IL1RAPL1: variants seen among roughly 807,000 people sequenced by gnomAD.
IL1RAPL1 encodes the protein interleukin 1 receptor accessory protein like 1, also known as interleukin-1 receptor accessory protein-like 1.
In IL1RAPL1, 3 loss-of-function variants were observed where a neutral mutation model predicts 48.4. That is an observed-to-expected ratio of 0.06 (90% CI 0.03 to 0.16). The LOEUF (loss-of-function observed/expected upper bound fraction) is 0.16. Among genes scored for constraint, IL1RAPL1 ranks in the 10% least tolerant of loss-of-function variants. The pLI is 1.00. For synonymous variants in IL1RAPL1, 185 were observed against 187.7 expected (o/e 0.99, Z 0.12); for missense variants, 349 against 530.6 (o/e 0.66, Z 3.36).
At chrX:28,869,444 C>T (rs1422826999) in intron 2 of IL1RAPL1, among the ~76,000 whole-genome samples, 2 of 87,699 alleles carry the variant, frequency 2.3e-5, no homozygotes, top group Admixed American at 2.5e-4. Flanking sequence ...ACATTATAGT[C>T]AAGCCTGTAG....
intron 2 of IL1RAPL1, among the ~76,000 whole-genome samples, chrX:29,194,487 G>A (rs1930407124): frequency 9.0e-6 from 1 of 111,126 alleles, no homozygotes; most frequent in Admixed American, 9.6e-5. Flanking sequence ...CCCACCATGT[G>A]CTAGACACTA....
At chrX:28,917,669 C>G in intron 2 of IL1RAPL1, among the ~76,000 whole-genome samples, 1 of 112,168 alleles carries the variant, frequency 8.9e-6, no homozygotes, top group South Asian at 3.7e-4. Flanking sequence ...TTCAAACACA[C>G]TATACCTGAG....
intron 2 of IL1RAPL1, among the ~76,000 whole-genome samples, chrX:29,142,698 A>ATT (rs11449399): frequency 2.4e-4 from 25 of 104,233 alleles, no homozygotes; most frequent in African/African-American, 5.6e-4. Context: ...ATGTTAGAGA[A>ATT]TTTTTTTTTT....
chrX:29,396,892 T>C (rs1933925690), intron 4 of IL1RAPL1, among the ~76,000 whole-genome samples: 1 of 112,130 alleles, frequency 8.9e-6, no homozygotes, highest in Non-Finnish European at 1.9e-5. Flanking sequence ...TTTGTCCATA[T>C]TCTAATCTTT....
At chrX:29,388,947 A>G (rs1395980985) in intron 3 of IL1RAPL1, among the ~76,000 whole-genome samples, 1 of 112,319 alleles carries the variant, frequency 8.9e-6, no homozygotes, top group Non-Finnish European at 1.9e-5. Context: ...CAGTTAAAAA[A>G]ATGTGTGTCT....
chrX:28,928,855 T>C (rs933526377), intron 2 of IL1RAPL1, among the ~76,000 whole-genome samples: 4 of 112,147 alleles, frequency 3.6e-5, no homozygotes, highest in Non-Finnish European at 7.5e-5. Flanking sequence ...TTATCCCCAC[T>C]GTCTGGAGCT....
chrX:28,588,206 A>ATGTGTGTG (rs768348078), intron 1 of IL1RAPL1, among the ~76,000 whole-genome samples, 159 bp downstream of exon 1: 13 of 49,923 alleles, frequency 2.6e-4, no homozygotes, highest in Non-Finnish European at 4.9e-4. Flanking sequence ...GTGTGTTGAT[A>ATGTGTGTG]TGTGTGTGTG....
chrX:29,793,876 C>T (rs1367655020), intron 6 of IL1RAPL1, among the ~76,000 whole-genome samples: 1 of 112,037 alleles, frequency 8.9e-6, no homozygotes, highest in Non-Finnish European at 1.9e-5. Context: ...CATTAAAATG[C>T]ATATAATGTG....
At chrX:28,708,074 C>G (rs1219613208) in intron 1 of IL1RAPL1, among the ~76,000 whole-genome samples, 1 of 111,321 alleles carries the variant, frequency 9.0e-6, no homozygotes, top group African/African-American at 3.3e-5. Flanking sequence ...GCTTGCAAGG[C>G]CCCTACCAGT....
At chrX:29,797,593 C>T (rs1929774230) in intron 6 of IL1RAPL1, among the ~76,000 whole-genome samples, 1 of 112,066 alleles carries the variant, frequency 8.9e-6, no homozygotes, top group Non-Finnish European at 1.9e-5. Flanking sequence ...TTAAAAGGGG[C>T]TGGGTGCGGT....
intron 1 of IL1RAPL1, among the ~76,000 whole-genome samples, chrX:28,755,054 C>G (rs1008678895): frequency 2.7e-5 from 3 of 111,520 alleles, no homozygotes; most frequent in Non-Finnish European, 5.6e-5. Flanking sequence ...AGTGCAACGG[C>G]ACGATCTTGG....
chrX:29,415,867 C>A (rs1217094012), intron 5 of IL1RAPL1, among the ~76,000 whole-genome samples: 1 of 111,641 alleles, frequency 9.0e-6, no homozygotes, highest in Non-Finnish European at 1.9e-5. Flanking sequence ...TTGTATCATC[C>A]CATTATTAAT....
intron 2 of IL1RAPL1, among the ~76,000 whole-genome samples, chrX:29,242,161 A>G (rs934427794): frequency 5.3e-5 from 6 of 112,599 alleles, no homozygotes; most frequent in African/African-American, 1.9e-4. Context: ...TTTTCTGTTA[A>G]CTGTTGACAA....
At chrX:29,252,406 T>C (rs189969016) in intron 2 of IL1RAPL1, among the ~76,000 whole-genome samples, 47 of 114,064 alleles carry the variant, frequency 4.1e-4, no homozygotes, top group African/African-American at 1.5e-3. Flanking sequence ...GGCCAGGGCA[T>C]ACAGGGAAAT....
intron 8 of IL1RAPL1, among the ~76,000 whole-genome samples, chrX:29,941,194 T>C (rs762624827): frequency 5.3e-5 from 6 of 112,193 alleles, no homozygotes; most frequent in South Asian, 7.5e-4. Flanking sequence ...AAGATTCTCA[T>C]TGGGAGAGGC....
At chrX:28,869,622 T>C (rs1167394902) in intron 2 of IL1RAPL1, among the ~76,000 whole-genome samples, 1 of 112,340 alleles carries the variant, frequency 8.9e-6, no homozygotes, top group Non-Finnish European at 1.9e-5. Flanking sequence ...ATGGAATTCA[T>C]ATAACATAAA....
intron 2 of IL1RAPL1, among the ~76,000 whole-genome samples, chrX:28,895,992 T>G (rs984397565): frequency 8.9e-6 from 1 of 112,101 alleles, no homozygotes; most frequent in African/African-American, 3.2e-5. Context: ...GCACGCGGCT[T>G]AGGAGGAATC....
At chrX:28,925,312 G>A (rs1923713670) in intron 2 of IL1RAPL1, among the ~76,000 whole-genome samples, 1 of 111,538 alleles carries the variant, frequency 9.0e-6, no homozygotes, top group Non-Finnish European at 1.9e-5. Flanking sequence ...AATTAAGTAT[G>A]TATTTTAGTT....
chrX:28,903,180 C>T (rs771970395), intron 2 of IL1RAPL1, among the ~76,000 whole-genome samples: 6 of 110,493 alleles, frequency 5.4e-5, no homozygotes, highest in South Asian at 7.8e-4. Flanking sequence ...AGTGTAGTGG[C>T]GCTATCTCGG....
Sources: allele counts gnomAD v4.1 joint callset (sites outside exome capture counted in the v4.1 genomes callset), GRCh38; gene constraint gnomAD v4.1.1; transcripts MANE v1.5; gene names NCBI Gene and HGNC (gene_info 2026-07-23, HGNC 2026-07-21).